The following ZNF385D variants were observed in gnomAD, a reference collection of about 807,000 sequenced individuals.
ZNF385D encodes the protein zinc finger protein 659.
In ZNF385D, 15 loss-of-function variants were observed where a neutral mutation model predicts 35.8. The observed-to-expected ratio is 0.42, with a 90% CI of 0.28 to 0.64. The LOEUF is 0.64. Among genes scored for constraint, ZNF385D ranks in the 30% least tolerant of loss-of-function variants. The pLI, the probability that ZNF385D is intolerant of heterozygous loss-of-function variation, is 0.23. For synonymous variants in ZNF385D, 212 were observed against 186.8 expected (o/e 1.13, Z -1.10); for missense variants, 474 against 494.6 (o/e 0.96, Z 0.39).
intron 3 of ZNF385D, among the ~76,000 whole-genome samples, chr3:21,866,502 C>A (rs1697373832): frequency 6.6e-6 from 1 of 152,098 alleles, no homozygotes; most frequent in Non-Finnish European, 1.5e-5. Context: ...CGCTATTGAT[C>A]TACGGATATT....
At chr3:22,331,987 T>C (rs1288966457) in intron 2 of ZNF385D, among the ~76,000 whole-genome samples, 2 of 152,174 alleles carry the variant, frequency 1.3e-5, no homozygotes, top group African/African-American at 4.8e-5. Context: ...TGAAACTTAA[T>C]AGTTTCAAGT....
chr3:21,524,992 A>AACCACACCACTACATGATT (rs1483042456), intron 3 of ZNF385D, among the ~76,000 whole-genome samples: 1 of 152,176 alleles, frequency 6.6e-6, no homozygotes, highest in Non-Finnish European at 1.5e-5. Context: ...TAGGGGAGAA[A>AACCACACCACTACATGATT]ACCACACCAC....
chr3:21,515,431 A>G lies in ZNF385D; in HGVS notation c.277-4408T>C, dbSNP rs1707497703. Among the ~76,000 whole-genome samples the G allele has an allele frequency of 2.6e-5, 4 of 152,364 alleles. No individual in the cohort carries two copies. The East Asian group carries it at 7.7e-4, about 29-fold the overall frequency. ...ATTTTCATGAACACAAATAATTTCAAAAAGAACAAGGTAGCCTTTTTAGTT... is the reference window on the plus strand; with the variant it reads ...ATTTTCATGAACACAAATAATTTCAGAAAGAACAAGGTAGCCTTTTTAGTT... On this transcript the variant is annotated intron_variant, in intron 3 of 7. Coordinates refer to ENST00000281523, the MANE Select transcript of ZNF385D (RefSeq NM_024697.3).
Position 21,568,053 on chromosome 3 carries a change from A to AGTT in ZNF385D, c.166-3372_166-3370dup, listed in dbSNP as rs568742332. Among the ~76,000 whole-genome samples, 1,053 of 151,458 alleles carry AGTT rather than the reference A, an allele frequency of 7.0e-3. 3 individuals carry two copies. Among genetic ancestry groups the AGTT allele is most frequent in the South Asian group, 0.019 (94 of 4,826 alleles). ...CAGAGACAATTTTATTTCCCAGAATAGTTAAAAAAAAACTTAACTGAATTA... is the reference window on the plus strand; with the variant it reads ...CAGAGACAATTTTATTTCCCAGAATAGTTGTTAAAAAAAAACTTAACTGAATTA... On this transcript the variant is annotated intron_variant, in intron 2 of 7. Transcript: ENST00000281523.
chr3:22,085,018 T>A (rs1700951638), intron 3 of ZNF385D, among the ~76,000 whole-genome samples: 1 of 152,144 alleles, frequency 6.6e-6, no homozygotes. Flanking sequence ...AGATGTTCTT[T>A]GAAACCAATG....
intron 2 of ZNF385D, among the ~76,000 whole-genome samples, chr3:22,203,477 A>G (rs1423087633): frequency 3.3e-5 from 5 of 152,108 alleles, no homozygotes; most frequent in African/African-American, 2.4e-5. Flanking sequence ...AAAGCAGAGG[A>G]AAGAATAAAA....
At chr3:21,458,070 A>G (rs1001490211) in intron 4 of ZNF385D, among the ~76,000 whole-genome samples, 1 of 152,180 alleles carries the variant, frequency 6.6e-6, no homozygotes, top group Non-Finnish European at 1.5e-5. Context: ...TGAAAAAAAT[A>G]TTGAGATTAA....
intron 3 of ZNF385D, among the ~76,000 whole-genome samples, chr3:22,147,288 TAGG>T (rs1704922001): frequency 6.6e-6 from 1 of 152,170 alleles, no homozygotes. Flanking sequence ...CCTACTTTTA[TAGG>T]AGGTTTGTGG....
At chr3:21,576,920 A>G (rs2063512952) in intron 2 of ZNF385D, among the ~76,000 whole-genome samples, 1 of 152,200 alleles carries the variant, frequency 6.6e-6, no homozygotes, top group African/African-American at 2.4e-5. Flanking sequence ...ACATTGTGAT[A>G]TTTTGATACC....
intron 3 of ZNF385D, among the ~76,000 whole-genome samples, chr3:22,113,777 G>T (rs111436025): frequency 6.6e-6 from 1 of 152,034 alleles, no homozygotes; most frequent in Non-Finnish European, 1.5e-5. Flanking sequence ...CGAGTCAGGA[G>T]ATAAAGTCTC....
intron 3 of ZNF385D, among the ~76,000 whole-genome samples, chr3:21,818,621 G>T (rs916753508): frequency 6.6e-6 from 1 of 151,994 alleles, no homozygotes; most frequent in Admixed American, 6.6e-5. Context: ...ATGGGCGTAT[G>T]GAGGAAATGA....
rs1407059850 is a variant in ZNF385D, at chr3:21,465,994, T to A, written c.440-28791A>T. Among the ~76,000 whole-genome samples the A allele has an allele frequency of 1.3e-5, 2 of 152,186 alleles. No homozygotes were observed. Among genetic ancestry groups the A allele is most frequent in the Admixed American group, 6.5e-5 (1 of 15,272 alleles). Reference sequence around the variant, plus strand: ...AAAATCTTAGAAAAGTGGGTCTCCATCTTCATTTCTAATAGCAGAGTGGTC... The same window carrying A: ...AAAATCTTAGAAAAGTGGGTCTCCAACTTCATTTCTAATAGCAGAGTGGTC... On this transcript the variant is annotated intron_variant, in intron 4 of 7. Coordinates refer to ENST00000281523, the MANE Select transcript of ZNF385D (RefSeq NM_024697.3). The surrounding 1 kb of genome is among the most constrained non-coding windows in gnomAD (Gnocchi z 4.2).
intron 1 of ZNF385D, among the ~76,000 whole-genome samples, chr3:21,736,920 C>A (rs1456962201): frequency 1.3e-5 from 2 of 152,122 alleles, no homozygotes; most frequent in East Asian, 3.8e-4. Context: ...ATTAAATATG[C>A]CTTTTCCCAG....
At chr3:22,105,993 TC>T (rs1436429181) in intron 3 of ZNF385D, among the ~76,000 whole-genome samples, 2 of 152,178 alleles carry the variant, frequency 1.3e-5, no homozygotes, top group Non-Finnish European at 2.9e-5. Context: ...ATTACTTTAA[TC>T]ATAAATAAGT....
intron 4 of ZNF385D, among the ~76,000 whole-genome samples, chr3:21,446,572 C>A (rs1465754794): frequency 6.8e-6 from 1 of 146,602 alleles, no homozygotes; most frequent in African/African-American, 2.6e-5. Context: ...CAGCTCACTG[C>A]AACTTCTGCC....
In ZNF385D at chr3:21,954,437, C is replaced by A. The variant is rs375615444; in HGVS notation, c.325+214380G>T. On this transcript the variant is annotated intron_variant, in intron 3 of 5. Transcript: ENST00000494108. ...AATTATTTTATAGGCTCACAAGGAT[C>A]TAAGGAGCCTTAGTAACACTTAGAA... Among the ~76,000 whole-genome samples, 18 of 152,048 alleles carry A rather than the reference C, an allele frequency of 1.2e-4. No individual in the cohort carries two copies. In the South Asian group the frequency reaches 3.7e-3, roughly 32 times the overall value.
chr3:21,593,858 G>A (rs992363285), intron 2 of ZNF385D, among the ~76,000 whole-genome samples: 32 of 151,848 alleles, frequency 2.1e-4, no homozygotes, highest in African/African-American at 7.7e-4. Flanking sequence ...CAAAAGAAGT[G>A]TCAGGGCACT....
chr3:21,714,518 C>G (rs981809338), intron 1 of ZNF385D, among the ~76,000 whole-genome samples: 1 of 152,146 alleles, frequency 6.6e-6, no homozygotes, highest in Non-Finnish European at 1.5e-5. Context: ...AACAATATTC[C>G]AAGCTAAGGC....
At position 21,663,915 on chromosome 3, in the gene ZNF385D, A is replaced by ATATATATATATATATATATATATT. The variant is rs1159950305; in HGVS notation, c.165+970_165+971insAATATATATATATATATATATATA. ...AATATATATATATATATATATATAT[A>ATATATATATATATATATATATATT]TATTTATTTATTTAAATCCATCATG... On this transcript the variant is annotated intron_variant, in intron 2 of 7. Coordinates refer to ENST00000281523, the MANE Select transcript of ZNF385D (RefSeq NM_024697.3). Among the ~76,000 whole-genome samples, 271 of 105,644 alleles carry ATATATATATATATATATATATATT rather than the reference A, an allele frequency of 2.6e-3. 1 individual carries two copies. Among genetic ancestry groups the ATATATATATATATATATATATATT allele is most frequent in the African/African-American group, 3.8e-3 (100 of 26,540 alleles). The allele number at this position is 105,644 out of a possible 152,430, so 69.3% of individuals were successfully genotyped here. A position where few individuals can be genotyped will look rare whatever the true frequency, so the allele number is the denominator to read the frequency against.
Sources: allele counts gnomAD v4.1 joint callset (sites outside exome capture counted in the v4.1 genomes callset), GRCh38; gene constraint gnomAD v4.1.1; non-coding constraint Gnocchi (gnomAD v3.1); transcripts MANE v1.5; gene names NCBI Gene and HGNC (gene_info 2026-07-23, HGNC 2026-07-21).